The following THSD7B variants were observed in gnomAD, a reference collection of about 807,000 sequenced individuals.
THSD7B encodes thrombospondin type 1 domain containing 7B.
THSD7B carries 138 observed loss-of-function variants against 213.6 expected under a neutral mutation model. That is an observed-to-expected ratio of 0.65 (90% CI 0.56 to 0.74). The LOEUF is 0.74. Ranked by LOEUF, THSD7B falls within the 30% of genes least tolerant of loss-of-function variation. The probability of loss-of-function intolerance (pLI) is 0.00; values close to 1 mark genes in which losing one functional copy is unlikely to be tolerated. For synonymous variants in THSD7B, 742 were observed against 687.0 expected (o/e 1.08, Z -1.25); for missense variants, 1,931 against 1,991.5 (o/e 0.97, Z 0.58).
intron 15 of THSD7B, among the ~76,000 whole-genome samples, chr2:137,501,678 A>T (rs958528286): frequency 6.6e-6 from 1 of 152,198 alleles, no homozygotes; most frequent in African/African-American, 2.4e-5. Context: ...TACCAATATG[A>T]TTGTACTTAT....
chr2:137,670,874 T>C (rs1240038634), intron 27 of THSD7B, among the ~76,000 whole-genome samples: 1 of 139,564 alleles, frequency 7.2e-6, no homozygotes, highest in Non-Finnish European at 1.5e-5. Context: ...TGAGCCAAGA[T>C]TGCGCCACTG....
intron 7 of THSD7B, among the ~76,000 whole-genome samples, chr2:137,197,818 T>G (rs933574227): frequency 2.0e-5 from 3 of 152,300 alleles, no homozygotes; most frequent in Middle Eastern, 3.4e-3. Context: ...TGAAGCATGA[T>G]TCCCTTAAGA....
intron 12 of THSD7B, among the ~76,000 whole-genome samples, chr2:137,293,496 T>TTC (rs200375526): frequency 2.0e-5 from 3 of 150,440 alleles, no homozygotes; most frequent in Non-Finnish European, 4.4e-5. Flanking sequence ...TTTTTCCTTT[T>TTC]TCTCTCTCTC....
At chr2:136,845,781 A>G (rs1212071010) in intron 1 of THSD7B, among the ~76,000 whole-genome samples, 2 of 152,222 alleles carry the variant, frequency 1.3e-5, no homozygotes, top group Non-Finnish European at 2.9e-5. Flanking sequence ...AGATTTAAGT[A>G]GTCTGTAAGC....
At chr2:137,638,160 A>G (rs1682867996) in intron 20 of THSD7B, among the ~76,000 whole-genome samples, 1 of 152,150 alleles carries the variant, frequency 6.6e-6, no homozygotes, top group African/African-American at 2.4e-5. Context: ...CATCACTGAA[A>G]GAAATTTTAC....
chr2:137,624,665 G>A (rs1245853959), intron 20 of THSD7B, among the ~76,000 whole-genome samples: 1 of 152,118 alleles, frequency 6.6e-6, no homozygotes, highest in African/African-American at 2.4e-5. Flanking sequence ...GTGGGTGAAG[G>A]ATATGAACAG....
chr2:137,166,100 G>C lies in THSD7B; in HGVS notation c.1526-4641G>C, dbSNP rs189161774. ...GAATCATGGAAGGCTTGTGGCTGTT[G>C]GTTATTCAGAGTACATTAGAAAATC... On this transcript the variant is annotated intron_variant, in intron 6 of 27. Coordinates refer to ENST00000409968, the MANE Select transcript of THSD7B (RefSeq NM_001316349.2). 8.7e-3 allele frequency among the ~76,000 whole-genome samples: 1,321 copies of C among 152,170 alleles called. 22 individuals are homozygous for C. The highest frequency in any genetic ancestry group is 0.03 in the African/African-American group (1,248 of 41,512).
chr2:137,111,716 G>C (rs1688348274), intron 4 of THSD7B, among the ~76,000 whole-genome samples: 1 of 152,106 alleles, frequency 6.6e-6, no homozygotes. Flanking sequence ...TTAATGCCTT[G>C]TTTATTCTGT....
chr2:137,184,677 G>GTCTATA (rs1236252116), intron 7 of THSD7B, among the ~76,000 whole-genome samples: 1 of 151,988 alleles, frequency 6.6e-6, no homozygotes, highest in African/African-American at 2.4e-5. Context: ...ATATGTCTAA[G>GTCTATA]TCTATATCTA....
intron 2 of THSD7B, chr2:136,991,083 A>C: frequency 1.7e-6 from 1 of 578,302 alleles, no homozygotes; most frequent in Admixed American, 3.4e-5. Context: ...ATGAAGTTCA[A>C]TAGAAAGGCT....
intron 1 of THSD7B, among the ~76,000 whole-genome samples, chr2:136,806,796 C>T (rs1447240043): frequency 1.3e-5 from 2 of 152,230 alleles, no homozygotes; most frequent in African/African-American, 4.8e-5. Context: ...AGGGTCCCAC[C>T]CTGGATACCA....
chr2:136,977,867 T>A (rs901773389), intron 2 of THSD7B, among the ~76,000 whole-genome samples: 1 of 150,798 alleles, frequency 6.6e-6, no homozygotes, highest in Non-Finnish European at 1.5e-5. Context: ...AGGCATGATC[T>A]CAGCTCACTG....
At chr2:137,650,005 G>A (rs1334651802) in intron 21 of THSD7B, among the ~76,000 whole-genome samples, 1 of 152,128 alleles carries the variant, frequency 6.6e-6, no homozygotes, top group Non-Finnish European at 1.5e-5. Flanking sequence ...GGGGGGCTAA[G>A]GTGGGAAGAT....
intron 2 of THSD7B, among the ~76,000 whole-genome samples, chr2:136,935,457 C>G (rs1033198174): frequency 6.6e-6 from 1 of 152,018 alleles, no homozygotes; most frequent in Non-Finnish European, 1.5e-5. Flanking sequence ...CATTTTTATT[C>G]TCCATGATGT....
At chr2:136,948,250 C>T (rs1684976803) in intron 2 of THSD7B, among the ~76,000 whole-genome samples, 2 of 152,266 alleles carry the variant, frequency 1.3e-5, no homozygotes, top group South Asian at 4.1e-4. Flanking sequence ...CATGCCCCTG[C>T]TCACAAACCT....
At chr2:137,005,389 G>A (rs1686083810) in intron 2 of THSD7B, among the ~76,000 whole-genome samples, 1 of 152,056 alleles carries the variant, frequency 6.6e-6, no homozygotes, top group South Asian at 2.1e-4. Context: ...TTCTCCCCAG[G>A]GCAATGGCTC....
At chr2:137,565,407 G>A (rs1681215342) in intron 16 of THSD7B, among the ~76,000 whole-genome samples, 1 of 152,100 alleles carries the variant, frequency 6.6e-6, no homozygotes, top group Non-Finnish European at 1.5e-5. Context: ...AGAAGGACAA[G>A]CAAGCATGTG....
intron 15 of THSD7B, among the ~76,000 whole-genome samples, chr2:137,508,583 G>T (rs1371578119): frequency 1.3e-5 from 2 of 150,202 alleles, no homozygotes; most frequent in Non-Finnish European, 1.5e-5. Flanking sequence ...TGGAGACGGG[G>T]TTTCACCATG....
At chr2:137,644,396 G>C (rs1271471824) in intron 21 of THSD7B, among the ~76,000 whole-genome samples, 1 of 152,154 alleles carries the variant, frequency 6.6e-6, no homozygotes, top group Non-Finnish European at 1.5e-5. Context: ...CCAAGATACT[G>C]TAATCAGAAG....
Sources: gnomAD v4.1 joint callset for allele counts (sites outside exome capture counted in the v4.1 genomes callset) on GRCh38, gnomAD v4.1.1 for gene constraint, MANE v1.5 for transcripts, NCBI Gene and HGNC (gene_info 2026-07-23, HGNC 2026-07-21) for gene names.